APOB: variants seen among roughly 807,000 people sequenced by gnomAD.
APOB encodes the protein apolipoprotein B.
In APOB, 153 loss-of-function variants were observed where a neutral mutation model predicts 314.1. The observed-to-expected ratio is 0.49, with a 90% confidence interval of 0.43 to 0.56. The LOEUF (loss-of-function observed/expected upper bound fraction) is 0.56. Among genes scored for constraint, APOB ranks in the 20% least tolerant of loss-of-function variants. APOB has a pLI of 0.00. For synonymous variants in APOB, 2,087 were observed against 2,036.4 expected (o/e 1.02, Z -0.67); for missense variants, 5,430 against 5,350.7 (o/e 1.01, Z -0.46).
rs1663068215 is a variant in APOB, at chr2:21,004,315, T to C, written c.12041A>G (p.Asp4014Gly). ...PAVGTVGMDM[D>G]EDDDFSKWNF... ...CCATTTAGAAAAGTCGTCATCTTCA[T>C]CCATATCCATGCCCACGGTGCCTAC... Residue 4014 changes from aspartate (D) to glycine (G), a missense_variant, in exon 28 of 29, where the codon GAT (aspartate) becomes GGT (glycine). Physicochemically the swap from Asp to Gly is moderately conservative, Grantham distance 94. Transcript: ENST00000233242. 2 of 1,613,886 alleles carry C rather than the reference T, an allele frequency of 1.2e-6. No individual in the cohort carries two copies. The highest frequency in any genetic ancestry group is 1.7e-6 in the Non-Finnish European group (2 of 1,179,920).
chr2:21,007,068 A>T lies in APOB; in HGVS notation c.9800T>A (p.Met3267Lys). 6.2e-6 allele frequency: 10 copies of T among 1,614,058 alleles called. No individual in the cohort carries two copies. The highest frequency in any genetic ancestry group is 8.5e-6 in the Non-Finnish European group (10 of 1,179,956). Reference sequence around the variant, plus strand: ...TGGGAACACATAGCCGAATGCCGACATCTCTATGGTGAATGGAGACACTTC... The same window carrying T: ...TGGGAACACATAGCCGAATGCCGACTTCTCTATGGTGAATGGAGACACTTC... Reference protein sequence around the residue: ...NVEVSPFTIEMSAFGYVFPKA... With the variant: ...NVEVSPFTIEKSAFGYVFPKA... The change falls in exon 26 of 29, where the codon ATG (methionine) becomes AAG (lysine). Residue 3267 changes from methionine to lysine, a missense_variant. By Grantham distance (95) the Met-to-Lys change is moderately conservative. Around this residue, in one of 3 missense-constraint regions of APOB, gnomAD observed 3,281 missense variants for 3,171.0 expected, o/e 1.03. Coordinates refer to ENST00000233242, the MANE Select transcript of APOB (RefSeq NM_000384.3).
In APOB at chr2:21,007,051, CAT is replaced by C; in HGVS notation, c.9815_9816del (p.Tyr3272CysfsTer10). 2 of 1,614,054 alleles carry C rather than the reference CAT, an allele frequency of 1.2e-6. No individual in the cohort carries two copies. Among genetic ancestry groups the C allele is most frequent in the Non-Finnish European group, 8.5e-7 (1 of 1,179,950 alleles). Reference protein sequence around the residue: ...PFTIEMSAFGYVFPKAVSMPS... With the variant: ...PFTIEMSAFGXVFPKAVSMPS... ...GGCATGCTGACTGCTTTTGGGAACA[CAT>C]AGCCGAATGCCGACATCTCTATGGT... On this transcript the variant is annotated frameshift_variant, in exon 26 of 29. Transcript: ENST00000233242. LOFTEE classifies it high-confidence loss of function.
Position 21,010,083 on chromosome 2 carries a change from A to G in APOB, c.6785T>C (p.Ile2262Thr). 6.2e-7 allele frequency: 1 copy of G among 1,613,374 alleles called. No homozygotes were observed. The highest frequency in any genetic ancestry group is 8.5e-7 in the Non-Finnish European group (1 of 1,179,862). Residue 2262 changes from isoleucine (I) to threonine (T), a missense_variant, in exon 26 of 29, where the codon ATA becomes ACA. Coordinates refer to ENST00000233242, the MANE Select transcript of APOB (RefSeq NM_000384.3). Reference protein sequence around the residue: ...VDTKYQIRIQIQEKLQQLKRH... With the variant: ...VDTKYQIRIQTQEKLQQLKRH... ...CTTAAGCTGCTGCAGTTTTTCTTGT[A>G]TCTGGATTCTGATTTGGTACTTAGT...
chr2:21,011,883 C>G lies in APOB; in HGVS notation c.4985G>C (p.Cys1662Ser). 2 of 1,614,038 alleles carry G rather than the reference C, an allele frequency of 1.2e-6. No individual in the cohort carries two copies. The highest frequency in any genetic ancestry group is 2.7e-5 in the African/African-American group (2 of 75,060). The change falls in exon 26 of 29, where the codon TGT (cysteine) becomes TCT (serine). Residue 1662 changes from cysteine (C) to serine (S), a missense_variant. This residue lies in a region of APOB where 2,085 missense variants were observed against 2,079.7 expected (regional missense o/e 1.00). Transcript: ENST00000233242. Reference sequence around the variant, plus strand: ...CTCATTCTCCAGCACCAGGAGACTACACTTCAAGTTGGTCGTTGCACTGGT... The same window carrying G: ...CTCATTCTCCAGCACCAGGAGACTAGACTTCAAGTTGGTCGTTGCACTGGT... ...ISTSATTNLK[C>S]SLLVLENELN... is the part of the protein sequence containing the mutation.
In APOB at chr2:21,008,503, T is replaced by C. The variant is rs1558562863; in HGVS notation, c.8365A>G (p.Ile2789Val). 6.2e-7 allele frequency: 1 copy of C among 1,614,124 alleles called. No homozygotes were observed. Among genetic ancestry groups the C allele is most frequent in the Non-Finnish European group, 8.5e-7 (1 of 1,179,970 alleles). ...CCTTTGGCAGTGATGGAAGCTGCGATACCTGCTTCGTTTGCTGAGGTGGTT... is the reference window on the plus strand; with the variant it reads ...CCTTTGGCAGTGATGGAAGCTGCGACACCTGCTTCGTTTGCTGAGGTGGTT... ...NGTTSANEAG[I>V]AASITAKGES... The change falls in exon 26 of 29, where the codon ATC becomes GTC. Residue 2789 changes from isoleucine (I) to valine (V), a missense_variant. Physicochemically the swap from Ile to Val is conservative, Grantham distance 29. This residue lies in a region of APOB where 3,281 missense variants were observed against 3,171.0 expected (regional missense o/e 1.03). Coordinates refer to ENST00000233242, the MANE Select transcript of APOB (RefSeq NM_000384.3).
chr2:21,017,014 T>TAAACAAAC (rs1307564067), intron 20 of APOB, among the ~76,000 whole-genome samples: 1 of 132,784 alleles, frequency 7.5e-6, no homozygotes, highest in Non-Finnish European at 1.7e-5. Flanking sequence ...AATAAATAAA[T>TAAACAAAC]AAACAAACAA....
In APOB at chr2:21,023,060, A is replaced by G. The variant is rs1275024739; in HGVS notation, c.2605-18T>C. 2 of 1,609,376 alleles carry G rather than the reference A, an allele frequency of 1.2e-6. No homozygotes were observed. Among genetic ancestry groups the G allele is most frequent in the Non-Finnish European group, 8.5e-7 (1 of 1,175,730 alleles). Reference sequence around the variant, plus strand: ...GCCTGCATCTATAAGTCAGAAAACAACCTATTCAGATTCATTAAATACTTC... The same window carrying G: ...GCCTGCATCTATAAGTCAGAAAACAGCCTATTCAGATTCATTAAATACTTC... On this transcript the variant is annotated intron_variant, in intron 17 of 28. Transcript: ENST00000233242.
intron 7 of APOB, 27 bp downstream of exon 7, chr2:21,035,556 CA>C (rs1422337793): frequency 6.2e-7 from 1 of 1,613,648 alleles, no homozygotes; most frequent in South Asian, 1.1e-5. Flanking sequence ...CATTAAATGA[CA>C]AATCAGGGGT....
chr2:21,035,805 CA>C (rs1663989532), intron 6 of APOB, 97 bp from the exon 7 acceptor site: 2 of 1,238,238 alleles, frequency 1.6e-6, no homozygotes, highest in East Asian at 4.7e-5. Flanking sequence ...AGTCCTGTAC[CA>C]CTAGATAAAC....
At chr2:21,016,025 T>C (rs497166) in intron 21 of APOB, among the ~76,000 whole-genome samples, 141,514 of 152,240 alleles carry the variant, frequency 0.93, 66,105 homozygotes, top group South Asian at 0.98. Context: ...TGCAGTGGCT[T>C]ACACCTGTAA....
chr2:21,013,552 A>G lies in APOB; in HGVS notation c.3843-19T>C, dbSNP rs1227706163. The G allele has an allele frequency of 1.9e-6, 3 of 1,613,880 alleles. No homozygotes were observed. Among genetic ancestry groups the G allele is most frequent in the South Asian group, 2.2e-5 (2 of 91,054 alleles). The stretch of plus-strand genomic sequence containing the variant: ...GCCATCGCTGAAATGAACAACAAAG[A>G]TAACATCCCCACAGTCAGACATCAG... On this transcript the variant is annotated intron_variant, in intron 24 of 28. Transcript: ENST00000233242.
chr2:21,012,726 T>C (rs1326286706), intron 25 of APOB, 75 bp from the exon 26 acceptor site: 13 of 1,523,336 alleles, frequency 8.5e-6, no homozygotes, highest in Non-Finnish European at 1.2e-5. Flanking sequence ...TGAAAGTCTT[T>C]CAATAATAAA....
In APOB at chr2:21,005,578, C is replaced by T. The variant is rs1368511630; in HGVS notation, c.11290G>A (p.Asp3764Asn). The T allele has an allele frequency of 1.2e-6, 2 of 1,614,032 alleles. No homozygotes were observed. Among genetic ancestry groups the T allele is most frequent in the Non-Finnish European group, 1.7e-6 (2 of 1,179,990 alleles). Residue 3764 changes from aspartate to asparagine, a missense_variant, in exon 26 of 29, where the codon GAC becomes AAC. This residue lies in a region of APOB where 3,281 missense variants were observed against 3,171.0 expected (regional missense o/e 1.03). Coordinates refer to ENST00000233242, the MANE Select transcript of APOB (RefSeq NM_000384.3). Reference protein sequence around the residue: ...TDLQVPSCKLDFREIQIYKKL... With the variant: ...TDLQVPSCKLNFREIQIYKKL... ...TTATAGATTTGTATTTCTCTGAAGT[C>T]AAGTTTGCACGATGGAACCTGAAGA...
rs776450015 is a variant in APOB, at chr2:21,002,066, A to G, written c.13356T>C (p.Leu4452=). The change falls in exon 29 of 29, where the codon CTT becomes CTC. Residue 4452 remains leucine, a synonymous_variant. Transcript: ENST00000233242. ...QFLHRNIQEY[L]SILTDPDGKG... ...TTCCATCTGGATCGGTAAGGATGCTAAGATATTCCTGAATATTTCTGTGCA... is the reference window on the plus strand; with the variant it reads ...TTCCATCTGGATCGGTAAGGATGCTGAGATATTCCTGAATATTTCTGTGCA... 1 of 1,614,010 alleles carries G rather than the reference A, an allele frequency of 6.2e-7. No homozygotes were observed.
chr2:21,008,192 T>C lies in APOB; in HGVS notation c.8676A>G (p.Lys2892=). Residue 2892 remains lysine (K), a synonymous_variant, in exon 26 of 29, where the codon AAA becomes AAG. Coordinates refer to ENST00000233242, the MANE Select transcript of APOB (RefSeq NM_000384.3). ...AGAAGTCCAGTTTGGGGATGTTCAA[T>C]TTGTGGAAGTATTTAGTGTTGCTAT... ...TLDSNTKYFH[K]LNIPKLDFSS... The C allele has an allele frequency of 6.2e-7, 1 of 1,614,124 alleles. No individual in the cohort carries two copies.
chr2:21,023,840 A>T, intron 16 of APOB, 148 bp from the exon 17 acceptor site: 1 of 632,472 alleles, frequency 1.6e-6, no homozygotes, highest in Non-Finnish European at 2.6e-6. Flanking sequence ...AGTTTGATAA[A>T]TAAAGATCAA....
intron 19 of APOB, 125 bp from the exon 20 acceptor site, chr2:21,019,238 C>A: frequency 7.9e-7 from 1 of 1,259,098 alleles, no homozygotes; most frequent in Non-Finnish European, 1.1e-6. Context: ...TTGTCTCTTG[C>A]CCTTAACTAA....
At chr2:21,003,622 T>G (rs562055966) in intron 28 of APOB, among the ~76,000 whole-genome samples, 1 of 152,010 alleles carries the variant, frequency 6.6e-6, no homozygotes, top group South Asian at 2.1e-4. Flanking sequence ...GACTGAAAAC[T>G]GGAAGAGGAG....
Position 21,010,097 on chromosome 2 carries a change from T to G in APOB, c.6771A>C (p.Gln2257His), listed in dbSNP as rs756172876. The G allele has an allele frequency of 1.2e-6, 2 of 1,613,270 alleles. No homozygotes were observed. Among genetic ancestry groups the G allele is most frequent in the East Asian group, 2.2e-5 (1 of 44,842 alleles). Residue 2257 changes from glutamine to histidine, a missense_variant, in exon 26 of 29, where the codon CAA becomes CAC. Transcript: ENST00000233242. ...SWIQNVDTKY[Q>H]IRIQIQEKLQ... ...GTTTTTCTTGTATCTGGATTCTGAT[T>G]TGGTACTTAGTATCCACATTTTGAA...
Sources: gnomAD v4.1 joint callset for allele counts (sites outside exome capture counted in the v4.1 genomes callset) on GRCh38, gnomAD v4.1.1 for gene constraint, gnomAD v4.1.1 regional missense constraint, MANE v1.5 for transcripts, NCBI Gene and HGNC (gene_info 2026-07-23, HGNC 2026-07-21) for gene names.